RBFOX1: variants seen among roughly 807,000 people sequenced by gnomAD.
RBFOX1 encodes RNA binding fox-1 homolog 1, also known as RNA binding protein fox-1 homolog 1.
In RBFOX1, 8 loss-of-function variants were observed where a neutral mutation model predicts 57.7. That is an observed-to-expected ratio of 0.14 (90% CI 0.08 to 0.25). The LOEUF (loss-of-function observed/expected upper bound fraction) is 0.25, where lower values mean the gene tolerates loss of function less well. Among genes scored for constraint, RBFOX1 ranks in the 10% least tolerant of loss-of-function variants. The pLI, the probability that RBFOX1 is intolerant of heterozygous loss-of-function variation, is 1.00. For synonymous variants in RBFOX1, 326 were observed against 222.4 expected, an observed-to-expected ratio of 1.47 and a Z score of -4.15; for missense variants, 611 against 548.5, an observed-to-expected ratio of 1.11 and a Z score of -1.14.
intron 1 of RBFOX1, among the ~76,000 whole-genome samples, chr16:5,391,281 C>T (rs752298885): frequency 8.5e-5 from 13 of 152,178 alleles, no homozygotes; most frequent in Non-Finnish European, 2.9e-5. Flanking sequence ...CTACATGGGT[C>T]TTATGAAGTT....
intron 4 of RBFOX1, among the ~76,000 whole-genome samples, chr16:7,415,111 T>C (rs569657064): frequency 1.3e-5 from 2 of 152,342 alleles, no homozygotes; most frequent in South Asian, 2.1e-4. Context: ...CCAACTGTAA[T>C]CCTCTTAAGG....
chr16:7,384,151 T>G (rs1050222030), intron 4 of RBFOX1, among the ~76,000 whole-genome samples: 1 of 151,752 alleles, frequency 6.6e-6, no homozygotes, highest in Admixed American at 6.6e-5. Flanking sequence ...GGGAGAGATA[T>G]GTATGCTTAT....
chr16:6,376,461 C>T (rs957998773), intron 2 of RBFOX1, among the ~76,000 whole-genome samples: 1 of 152,170 alleles, frequency 6.6e-6, no homozygotes, highest in East Asian at 1.9e-4. Context: ...AGGGTGAATC[C>T]TTCGTTGCCT....
At chr16:6,647,242 C>CTTTAT (rs938722615) in intron 2 of RBFOX1, among the ~76,000 whole-genome samples, 2 of 152,004 alleles carry the variant, frequency 1.3e-5, no homozygotes, top group Non-Finnish European at 2.9e-5. Context: ...CTAATTCTTT[C>CTTTAT]TTTATTTTAT....
At chr16:6,662,629 A>G (rs754183885) in intron 3 of RBFOX1, among the ~76,000 whole-genome samples, 104 of 152,124 alleles carry the variant, frequency 6.8e-4, no homozygotes, top group Non-Finnish European at 1.4e-3. Flanking sequence ...AGACTACATC[A>G]AAGACATAAT....
intron 2 of RBFOX1, among the ~76,000 whole-genome samples, chr16:5,567,790 T>C (rs1176628873): frequency 6.6e-6 from 1 of 152,214 alleles, no homozygotes; most frequent in East Asian, 1.9e-4. Flanking sequence ...CTGATTAGGT[T>C]GATGGGCCAG....
intron 3 of RBFOX1, among the ~76,000 whole-genome samples, chr16:5,663,463 C>G (rs149397235): frequency 0.014 from 2,119 of 151,982 alleles, 43 homozygotes; most frequent in African/African-American, 0.048. Flanking sequence ...CTTCAGCCCC[C>G]GAAAATGCTG....
At chr16:7,367,980 G>A (rs935531327) in intron 4 of RBFOX1, among the ~76,000 whole-genome samples, 1 of 152,056 alleles carries the variant, frequency 6.6e-6, no homozygotes, top group South Asian at 2.1e-4. Flanking sequence ...TTACTCTAAA[G>A]AGAGAGCCAG....
chr16:6,230,260 G>T (rs992741134), intron 1 of RBFOX1, among the ~76,000 whole-genome samples: 2 of 151,988 alleles, frequency 1.3e-5, no homozygotes, highest in Non-Finnish European at 2.9e-5. Flanking sequence ...CACCAATCTC[G>T]ATTGGACACT....
At chr16:7,582,034 C>T (rs1434947830) in intron 6 of RBFOX1, among the ~76,000 whole-genome samples, 1 of 151,520 alleles carries the variant, frequency 6.6e-6, no homozygotes, top group East Asian at 2.0e-4. Flanking sequence ...GCACCCCCCC[C>T]CCCCCTTTTT....
intron 14 of RBFOX1, among the ~76,000 whole-genome samples, chr16:7,677,767 G>C (rs1003809064): frequency 6.6e-6 from 1 of 152,126 alleles, no homozygotes; most frequent in Non-Finnish European, 1.5e-5. Flanking sequence ...TATGTTTCAC[G>C]AATAAAACAA....
chr16:5,580,369 C>T (rs1236953316), intron 2 of RBFOX1, among the ~76,000 whole-genome samples: 7 of 152,208 alleles, frequency 4.6e-5, no homozygotes. Context: ...CTGCGTGGGT[C>T]TCAGCCTGGC....
chr16:7,604,650 G>A (rs928560670), intron 9 of RBFOX1, among the ~76,000 whole-genome samples: 2 of 152,182 alleles, frequency 1.3e-5, no homozygotes, highest in African/African-American at 4.8e-5. Context: ...GGATAGGTGG[G>A]TAGGCAGATG....
At chr16:7,507,775 G>C (rs1410963012) in intron 4 of RBFOX1, among the ~76,000 whole-genome samples, 2 of 151,962 alleles carry the variant, frequency 1.3e-5, no homozygotes, top group Non-Finnish European at 2.9e-5. Flanking sequence ...GTGTTAGCCA[G>C]GACGGTCTCG....
At chr16:5,856,293 A>G (rs1415321051) in intron 3 of RBFOX1, among the ~76,000 whole-genome samples, 1 of 28,762 alleles carries the variant, frequency 3.5e-5, no homozygotes, top group East Asian at 1.5e-3. Context: ...ATACACACAC[A>G]CACACACACA....
chr16:6,101,203 T>G (rs1431857403), intron 1 of RBFOX1, among the ~76,000 whole-genome samples: 1 of 152,202 alleles, frequency 6.6e-6, no homozygotes. Flanking sequence ...GGCTGGAGTC[T>G]CCGGACCCAC....
At chr16:7,268,819 A>C (rs1037586721) in intron 4 of RBFOX1, among the ~76,000 whole-genome samples, 1 of 152,010 alleles carries the variant, frequency 6.6e-6, no homozygotes, top group African/African-American at 2.4e-5. Flanking sequence ...GGGGCGGATC[A>C]CGAGGTCAGG....
chr16:6,658,506 C>A (rs745762485), intron 3 of RBFOX1, among the ~76,000 whole-genome samples: 21 of 152,176 alleles, frequency 1.4e-4, no homozygotes, highest in African/African-American at 4.6e-4. Flanking sequence ...CACACCCGGC[C>A]GAGAGCCCTC....
At chr16:5,511,315 AG>A (rs2043582721) in intron 2 of RBFOX1, among the ~76,000 whole-genome samples, 2 of 152,206 alleles carry the variant, frequency 1.3e-5, no homozygotes, top group Admixed American at 1.3e-4. Flanking sequence ...GAATGTGCAA[AG>A]CTAAGAGGAG....
Sources: allele counts gnomAD v4.1 joint callset (sites outside exome capture counted in the v4.1 genomes callset), GRCh38; gene constraint gnomAD v4.1.1; transcripts MANE v1.5; gene names NCBI Gene and HGNC (gene_info 2026-07-23, HGNC 2026-07-21).